Variants in CALCRL observed in about 807,000 individuals in gnomAD.
CALCRL encodes the protein calcitonin gene-related peptide type 1 receptor.
In CALCRL, 27 loss-of-function variants were observed where a neutral mutation model predicts 60.4. That is an observed-to-expected ratio of 0.45 (90% CI 0.33 to 0.62). The LOEUF is 0.62. CALCRL is among the 20% of genes least tolerant of loss of function. The pLI is 0.03. For missense variants in CALCRL, 424 were observed against 540.7 expected, an observed-to-expected ratio of 0.78 and a Z score of 2.14; for synonymous variants, 190 against 182.6, an observed-to-expected ratio of 1.04 and a Z score of -0.33.
chr2:187,402,792 T>C (rs1473155868), intron 1 of CALCRL, among the ~76,000 whole-genome samples: 1 of 151,856 alleles, frequency 6.6e-6, no homozygotes, highest in East Asian at 1.9e-4. Flanking sequence ...GTATTCCATA[T>C]ATTTGCTAAT....
intron 1 of CALCRL, among the ~76,000 whole-genome samples, chr2:187,447,355 A>C (rs984197727): frequency 1.3e-5 from 2 of 151,310 alleles, no homozygotes; most frequent in Non-Finnish European, 2.9e-5. Context: ...AAAAATCTAC[A>C]TTTCCTAAAC....
At chr2:187,412,789 T>G (rs1353251809) in intron 1 of CALCRL, among the ~76,000 whole-genome samples, 4 of 152,242 alleles carry the variant, frequency 2.6e-5, no homozygotes, top group Non-Finnish European at 4.4e-5. Context: ...TAAATGGCTT[T>G]CAGGTTTTAA....
At chr2:187,426,239 A>ATTTTTTTTTTTT (rs200787283) in intron 1 of CALCRL, among the ~76,000 whole-genome samples, 1 of 127,432 alleles carries the variant, frequency 7.8e-6, no homozygotes, top group Non-Finnish European at 1.8e-5. Context: ...TCTGTCATTT[A>ATTTTTTTTTTTT]TTATTTTTTT....
chr2:187,358,122 A>C (rs2105719343), intron 12 of CALCRL, among the ~76,000 whole-genome samples: 1 of 152,236 alleles, frequency 6.6e-6, no homozygotes, highest in Non-Finnish European at 1.5e-5. Flanking sequence ...AGGCCACGGC[A>C]GAAGGATCAC....
intron 1 of CALCRL, chr2:187,415,869 G>T (rs1689581261): frequency 6.7e-6 from 2 of 299,628 alleles, no homozygotes; most frequent in African/African-American, 4.5e-5. Flanking sequence ...ACCAGCCCCA[G>T]CAAGAGCACG....
chr2:187,377,292 G>T (rs910968074), intron 8 of CALCRL, among the ~76,000 whole-genome samples: 9 of 152,092 alleles, frequency 5.9e-5, no homozygotes, highest in Admixed American at 5.2e-4. Flanking sequence ...GCTGGTGATG[G>T]CAGTAGTGAT....
chr2:187,425,034 T>C (rs1312141263), intron 1 of CALCRL, among the ~76,000 whole-genome samples: 1 of 151,758 alleles, frequency 6.6e-6, no homozygotes, highest in African/African-American at 2.4e-5. Flanking sequence ...AGTTTGGGGG[T>C]CTAATGGACT....
intron 1 of CALCRL, among the ~76,000 whole-genome samples, chr2:187,403,945 C>T (rs184500921): frequency 6.6e-5 from 10 of 151,992 alleles, no homozygotes; most frequent in East Asian, 1.9e-4. Flanking sequence ...TGAGAACTGC[C>T]GCTTAAGAAC....
chr2:187,396,014 G>C (rs1688634157), intron 1 of CALCRL, among the ~76,000 whole-genome samples: 1 of 82,062 alleles, frequency 1.2e-5, no homozygotes. Flanking sequence ...AATCTCTCCT[G>C]ACACTGTTTG....
intron 1 of CALCRL, among the ~76,000 whole-genome samples, chr2:187,404,720 G>A (rs1201683472): frequency 2.6e-5 from 4 of 151,680 alleles, no homozygotes; most frequent in South Asian, 2.1e-4. Flanking sequence ...AAAAGACGAC[G>A]AAAGTAAGTA....
chr2:187,377,091 G>T, intron 8 of CALCRL, among the ~76,000 whole-genome samples: 1 of 152,252 alleles, frequency 6.6e-6, no homozygotes, highest in East Asian at 1.9e-4. Context: ...GAGGCAAAGA[G>T]AACAGGCAGG....
rs1006075151 is a variant in CALCRL at position 187,387,385 on chromosome 2, T to C, written c.-93A>G. 3.5e-5 allele frequency: 6 copies of C among 172,414 alleles called. No homozygotes were observed. The highest frequency in any genetic ancestry group is 6.3e-5 in the Admixed American group (1 of 15,858). The allele number at this position is 172,414 out of a possible 1,614,324, so 10.7% of individuals were successfully genotyped here. A position where few individuals can be genotyped will look rare whatever the true frequency, so the allele number is the denominator to read the frequency against. On this transcript the variant is annotated 5_prime_UTR_variant, in exon 3 of 15. Coordinates refer to ENST00000392370, the MANE Select transcript of CALCRL (RefSeq NM_005795.6). ...ACCTTGTCAAGTTGTGGTTGACAAA[T>C]TGAAGTTTGCAGCAGTCTTGTCAAG...
Position 187,385,640 on chromosome 2 carries a change from GAA to G in CALCRL, c.-36-11_-36-10del. 7.9e-7 allele frequency: 1 copy of G among 1,271,104 alleles called. No individual in the cohort carries two copies. The highest frequency in any genetic ancestry group is 2.4e-5 in the East Asian group (1 of 40,868). The allele number at this position is 1,271,104 out of a possible 1,614,324, so 78.7% of individuals were successfully genotyped here. A position where few individuals can be genotyped will look rare whatever the true frequency, so the allele number is the denominator to read the frequency against. Reference sequence around the variant, plus strand: ...ATGCTGTATAACATAAACTGCAACAGAAAATAAAAGAAATATAATTCATCAAT... The same window carrying G: ...ATGCTGTATAACATAAACTGCAACAGAATAAAAGAAATATAATTCATCAAT... On this transcript the variant is annotated splice_polypyrimidine_tract_variant and intron_variant, in intron 3 of 14. Transcript: ENST00000392370.
intron 8 of CALCRL, among the ~76,000 whole-genome samples, chr2:187,369,603 G>C (rs1396989906): frequency 6.6e-6 from 1 of 152,110 alleles, no homozygotes; most frequent in African/African-American, 2.4e-5. Flanking sequence ...CTTACTATTG[G>C]ATAGTAATAT....
intron 1 of CALCRL, among the ~76,000 whole-genome samples, chr2:187,396,724 T>G (rs1688670383): frequency 6.6e-6 from 1 of 151,802 alleles, no homozygotes; most frequent in Admixed American, 6.6e-5. Context: ...GAAAGTATTT[T>G]ATTTTTGAAG....
At chr2:187,431,630 C>T (rs1209359608) in intron 1 of CALCRL, among the ~76,000 whole-genome samples, 1 of 151,948 alleles carries the variant, frequency 6.6e-6, no homozygotes, top group Admixed American at 6.6e-5. Flanking sequence ...CAGGCACAAA[C>T]ATGGAGGCAG....
In CALCRL at chr2:187,387,754, G is replaced by A. The variant is rs755025741; in HGVS notation, c.-290C>T. On this transcript the variant is annotated splice_region_variant and 5_prime_UTR_variant, in exon 2 of 15. Coordinates refer to ENST00000392370, the MANE Select transcript of CALCRL (RefSeq NM_005795.6). ...AGAATTTCTTAAATTCAGGGGTCAA[G>A]ACCTGAAATATTGATGAATGTAATA... 2.5e-6 allele frequency: 1 copy of A among 396,548 alleles called. No individual in the cohort carries two copies. The highest frequency in any genetic ancestry group is 4.4e-6 in the Non-Finnish European group (1 of 224,922). 24.6% of individuals were successfully genotyped at this position (396,548 alleles called of 1,614,324 possible). A position where few individuals can be genotyped will look rare whatever the true frequency, so the allele number is the denominator to read the frequency against.
At position 187,385,407 on chromosome 2, in the gene CALCRL, A is replaced by C. The variant is rs1007692550; in HGVS notation, c.51+138T>G. 3 of 566,450 alleles carry C rather than the reference A, an allele frequency of 5.3e-6. No individual in the cohort carries two copies. The African/African-American group carries it at 5.8e-5, about 11-fold the overall frequency. The allele number at this position is 566,450 out of a possible 1,614,324, so 35.1% of individuals were successfully genotyped here. A position where few individuals can be genotyped will look rare whatever the true frequency, so the allele number is the denominator to read the frequency against. Reference sequence around the variant, plus strand: ...TAGGACTAAAAGCATACACCGAATGAAAACACATTATTGCTGTATCAATTG... The same window carrying C: ...TAGGACTAAAAGCATACACCGAATGCAAACACATTATTGCTGTATCAATTG... On this transcript the variant is annotated intron_variant, in intron 4 of 14. Transcript: ENST00000392370.
At chr2:187,386,713 A>G (rs896413534) in intron 3 of CALCRL, among the ~76,000 whole-genome samples, 3 of 32,706 alleles carry the variant, frequency 9.2e-5, no homozygotes, top group African/African-American at 3.7e-4. Context: ...ACTAAATGAT[A>G]TGGTTTGGCT....
Sources: gnomAD v4.1 joint callset for allele counts (sites outside exome capture counted in the v4.1 genomes callset) on GRCh38, gnomAD v4.1.1 for gene constraint, MANE v1.5 for transcripts, NCBI Gene and HGNC (gene_info 2026-07-23, HGNC 2026-07-21) for gene names.